Variants in MICALL2 observed in about 807,000 individuals in gnomAD.
MICALL2 encodes MICAL-like protein 2.
Under a neutral mutation model 91.1 loss-of-function variants are expected in MICALL2, and 111 were observed. That is an observed-to-expected ratio of 1.22 (90% CI 1.04 to 1.43). MICALL2 has a LOEUF of 1.43. Among genes scored for constraint, MICALL2 ranks in the 40% most tolerant of loss-of-function variants. The pLI is 0.00. For missense variants in MICALL2, 1,556 were observed against 1,236.0 expected (o/e 1.26, Z -3.88); for synonymous variants, 694 against 525.3 (o/e 1.32, Z -4.39).
intron 1 of MICALL2, among the ~76,000 whole-genome samples, chr7:1,454,573 C>T (rs935573671): frequency 6.6e-6 from 1 of 152,184 alleles, no homozygotes; most frequent in Admixed American, 6.5e-5. Flanking sequence ...AGTAGGTGGA[C>T]AGGCAGCCCC....
At chr7:1,443,402 C>T (rs773500231) in intron 6 of MICALL2, among the ~76,000 whole-genome samples, 7 of 152,124 alleles carry the variant, frequency 4.6e-5, no homozygotes, top group Non-Finnish European at 7.4e-5. Flanking sequence ...CTGCACCCCA[C>T]GATACGGGGC....
intron 1 of MICALL2, chr7:1,450,521 C>T: frequency 7.6e-6 from 4 of 526,608 alleles, no homozygotes; most frequent in Middle Eastern, 5.4e-4. Context: ...CCAGCTTCAC[C>T]TCCTGTACCC....
At chr7:1,443,302 G>T (rs745782535) in intron 6 of MICALL2, among the ~76,000 whole-genome samples, 2 of 151,576 alleles carry the variant, frequency 1.3e-5, no homozygotes, top group Non-Finnish European at 2.9e-5. Flanking sequence ...GAGCGAACTC[G>T]CTCTTCTCCT....
At chr7:1,443,771 C>T (rs1014771478) in intron 6 of MICALL2, among the ~76,000 whole-genome samples, 9 of 152,288 alleles carry the variant, frequency 5.9e-5, no homozygotes, top group East Asian at 5.8e-4. Flanking sequence ...TGCAAGGGGA[C>T]GCGGCCCTTC....
At chr7:1,450,336 G>A (rs1184314704) in intron 1 of MICALL2, 48 bp from the exon 2 acceptor site, 2 of 1,486,410 alleles carry the variant, frequency 1.3e-6, no homozygotes, top group African/African-American at 1.4e-5. Context: ...GTCCACGAAG[G>A]GAGGGGCTGG....
chr7:1,449,887 C>CCCATCCACAG (rs1443857580), intron 2 of MICALL2, among the ~76,000 whole-genome samples: 4 of 152,228 alleles, frequency 2.6e-5, no homozygotes, highest in Admixed American at 2.0e-4. Context: ...CCCACTGGGA[C>CCCATCCACAG]CCATCCACAG....
intron 1 of MICALL2, among the ~76,000 whole-genome samples, chr7:1,458,652 C>T (rs915374974): frequency 3.9e-5 from 6 of 152,248 alleles, no homozygotes; most frequent in Non-Finnish European, 2.9e-5. Context: ...TGTTCTCCAT[C>T]TCGGGCCCTA....
At chr7:1,443,412 C>T (rs376508338) in intron 6 of MICALL2, among the ~76,000 whole-genome samples, 18 of 152,260 alleles carry the variant, frequency 1.2e-4, no homozygotes, top group African/African-American at 4.3e-4. Flanking sequence ...CGATACGGGG[C>T]AGGAAACGGC....
rs1204539197 is a variant in MICALL2 at position 1,452,890 on chromosome 7, A to G, written c.144-2602T>C. Among the ~76,000 whole-genome samples, 2 of 151,928 alleles carry G rather than the reference A, an allele frequency of 1.3e-5. No individual in the cohort carries two copies. Among genetic ancestry groups the G allele is most frequent in the Non-Finnish European group, 1.5e-5 (1 of 67,972 alleles). On this transcript the variant is annotated intron_variant, in intron 1 of 16. Transcript: ENST00000297508. The surrounding 1 kb of genome is among the most constrained non-coding windows in gnomAD (Gnocchi z 6.2). The stretch of plus-strand genomic sequence containing the variant: ...CACAGCCACCACCCATCCTGCCCCA[A>G]GCTCCTTCCCCAGGGCCGGCCCTCC...
At position 1,441,335 on chromosome 7, in the gene MICALL2, G is replaced by A. The variant is rs377342755; in HGVS notation, c.1712-651C>T. ...CCTGGCACAGCTGACAGCTCACTGC[G>A]TAGCCTGGCCATCCCAGTGCCCTGG... On this transcript the variant is annotated intron_variant, in intron 7 of 16. Coordinates refer to ENST00000297508, the MANE Select transcript of MICALL2 (RefSeq NM_182924.4). 62 of 153,512 alleles carry A rather than the reference G, an allele frequency of 4.0e-4. 1 individual carries two copies. In the East Asian group the frequency reaches 5.0e-3, roughly 12 times the overall value. 9.5% of individuals were successfully genotyped at this position (153,512 alleles called of 1,614,324 possible).
intron 1 of MICALL2, chr7:1,450,540 C>T (rs1210443731): frequency 1.3e-5 from 6 of 468,268 alleles, no homozygotes; most frequent in East Asian, 3.9e-5. Flanking sequence ...CCTGACAGGC[C>T]GCCCCTCACC....
At position 1,441,732 on chromosome 7, in the gene MICALL2, C is replaced by T. The variant is rs370541867; in HGVS notation, c.1711+460G>A. ...CGTCACCGGGACACCACAGGGGGGACGGGGCATAGGGCACCATCTCCGGTA... is the reference window on the plus strand; with the variant it reads ...CGTCACCGGGACACCACAGGGGGGATGGGGCATAGGGCACCATCTCCGGTA... On this transcript the variant is annotated intron_variant, in intron 7 of 16. Transcript: ENST00000297508. 1.4e-4 allele frequency: 27 copies of T among 195,116 alleles called. 1 individual carries two copies. The highest frequency in any genetic ancestry group is 1.0e-3 in the South Asian group (12 of 11,818). The allele number at this position is 195,116 out of a possible 1,614,324, so 12.1% of individuals were successfully genotyped here.
In MICALL2 at chr7:1,434,522, TCCGGGC is replaced by T. The variant is rs758467189; in HGVS notation, c.*68_*73del. 2.9e-6 allele frequency: 4 copies of T among 1,359,584 alleles called. No homozygotes were observed. Among genetic ancestry groups the T allele is most frequent in the Middle Eastern group, 1.8e-4 (1 of 5,676 alleles). The allele number at this position is 1,359,584 out of a possible 1,614,324, so 84.2% of individuals were successfully genotyped here. ...CCCGAGTACAAGTCCGGGTTCCGGG[TCCGGGC>T]CAAGCCCATGGCCCCGAGTCCAAGT... On this transcript the variant is annotated 3_prime_UTR_variant, in exon 17 of 17. Coordinates refer to ENST00000297508, the MANE Select transcript of MICALL2 (RefSeq NM_182924.4).
chr7:1,459,043 G>C (rs1424179369), intron 1 of MICALL2, 141 bp downstream of exon 1: 3 of 826,488 alleles, frequency 3.6e-6, no homozygotes, highest in Non-Finnish European at 5.6e-6. Context: ...GGACAGCCTC[G>C]GGGGGCTGCA....
At position 1,459,309 on chromosome 7, in the gene MICALL2, C is replaced by T. The variant is rs749120556; in HGVS notation, c.18G>A (p.Ala6=). ...ACTGCTGCCGGCACCACTGTTGCAG[C>T]GCCCTGATGGCCGCCATGTGGGCGG... MAAIR[A]LQQWCRQQCE... is the part of the protein sequence containing the mutation. The change falls in exon 1 of 17, where the codon GCG becomes GCA. Residue 6 remains alanine, a synonymous_variant. Coordinates refer to ENST00000297508, the MANE Select transcript of MICALL2 (RefSeq NM_182924.4). The T allele has an allele frequency of 3.8e-6, 6 of 1,564,978 alleles. No homozygotes were observed. The East Asian group carries it at 1.0e-4, about 26-fold the overall frequency.
chr7:1,450,459 C>G lies in MICALL2; in HGVS notation c.144-171G>C, dbSNP rs934953844. On this transcript the variant is annotated intron_variant, in intron 1 of 16. Transcript: ENST00000297508. ...TGGGCAGAGGCCAGGGCTCCCGGCC[C>G]TGCTCCGGCCACGGTGATGCTGCTG... 2.1e-5 allele frequency: 13 copies of G among 627,402 alleles called. No homozygotes were observed. The African/African-American group carries it at 2.2e-4, about 11-fold the overall frequency. The allele number at this position is 627,402 out of a possible 1,614,324, so 38.9% of individuals were successfully genotyped here.
chr7:1,454,633 T>C (rs1780949526), intron 1 of MICALL2, among the ~76,000 whole-genome samples: 1 of 152,198 alleles, frequency 6.6e-6, no homozygotes. Context: ...CACAGAGGTC[T>C]GGCTACAGGC....
At position 1,445,039 on chromosome 7, in the gene MICALL2, G is replaced by T; in HGVS notation, c.1031C>A (p.Ser344Tyr). 1 of 1,537,892 alleles carries T rather than the reference G, an allele frequency of 6.5e-7. No individual in the cohort carries two copies. Among genetic ancestry groups the T allele is most frequent in the Non-Finnish European group, 8.8e-7 (1 of 1,140,750 alleles). The change falls in exon 6 of 17, where the codon TCC becomes TAC. Residue 344 changes from serine to tyrosine, a missense_variant. Physicochemically the swap from Ser to Tyr is moderately radical, Grantham distance 144. Coordinates refer to ENST00000297508, the MANE Select transcript of MICALL2 (RefSeq NM_182924.4). ...GGCAGCTGACGACCAGCCCATCGGG[G>T]AGCTATTGGTCACACGAGGGCGGAC... ...GKVRPRVTNS[S>Y]PMGWSSAAPC...
intron 2 of MICALL2, 82 bp from the exon 3 acceptor site, chr7:1,448,843 GAC>G (rs1780710038): frequency 3.2e-6 from 5 of 1,548,932 alleles, no homozygotes; most frequent in Non-Finnish European, 4.4e-6. Flanking sequence ...TCGACTCAAA[GAC>G]ACAGTCTTGG....
Sources: allele counts gnomAD v4.1 joint callset (sites outside exome capture counted in the v4.1 genomes callset), GRCh38; gene constraint gnomAD v4.1.1; non-coding constraint Gnocchi (gnomAD v3.1); transcripts MANE v1.5; gene names NCBI Gene and HGNC (gene_info 2026-07-23, HGNC 2026-07-21).